The following SLC2A6 variants were observed in gnomAD, a reference collection of about 807,000 sequenced individuals.
SLC2A6 encodes solute carrier family 2, facilitated glucose transporter member 6.
In SLC2A6, 39 loss-of-function variants were observed where a neutral mutation model predicts 47.8. The observed-to-expected ratio is 0.82, with a 90% CI of 0.63 to 1.07. The LOEUF (loss-of-function observed/expected upper bound fraction) is 1.07. Among genes scored for constraint, SLC2A6 ranks in the 50% least tolerant of loss-of-function variants. The pLI is 0.00. For missense variants in SLC2A6, 650 were observed against 707.6 expected, an observed-to-expected ratio of 0.92 and a Z score of 0.92; for synonymous variants, 346 against 324.1, an observed-to-expected ratio of 1.07 and a Z score of -0.73.
At chr9:133,476,054 G>C (rs927534338) in intron 4 of SLC2A6, 183 bp downstream of exon 4, 7 of 564,660 alleles carry the variant, frequency 1.2e-5, no homozygotes, top group Non-Finnish European at 2.2e-5. Flanking sequence ...TGTGGCTAGA[G>C]GGGCAGGCCC....
At chr9:133,474,201 A>G in intron 6 of SLC2A6, 113 bp from the exon 7 acceptor site, 1 of 762,918 alleles carries the variant, frequency 1.3e-6, no homozygotes, top group Non-Finnish European at 2.1e-6. Context: ...AGCTCAGTGC[A>G]GTACTGAGTG....
chr9:133,472,179 G>C lies in SLC2A6; in HGVS notation c.1369-3C>G. 2 of 1,612,624 alleles carry C rather than the reference G, an allele frequency of 1.2e-6. No individual in the cohort carries two copies. The highest frequency in any genetic ancestry group is 1.7e-6 in the Non-Finnish European group (2 of 1,179,824). Reference sequence around the variant, plus strand: ...GGCACCTGGAGGCCGAAGGTGCTCTGCGGGTGAAGAGCGGGGCCGGGTCAC... The same window carrying C: ...GGCACCTGGAGGCCGAAGGTGCTCTCCGGGTGAAGAGCGGGGCCGGGTCAC... On this transcript the variant is annotated splice_region_variant and splice_polypyrimidine_tract_variant and intron_variant, in intron 9 of 9. Transcript: ENST00000371899.
chr9:133,475,362 G>A, intron 5 of SLC2A6, 38 bp downstream of exon 5: 1 of 1,543,690 alleles, frequency 6.5e-7, no homozygotes. Flanking sequence ...AAGTGCTGGA[G>A]GTGGGCCTGC....
intron 7 of SLC2A6, 32 bp from the exon 8 acceptor site, chr9:133,473,632 G>A (rs1843822793): frequency 1.3e-6 from 2 of 1,486,418 alleles, no homozygotes; most frequent in South Asian, 1.4e-5. Context: ...CGTGGGGCCA[G>A]GACCCTCTGA....
chr9:133,472,512 G>C (rs1022800887), intron 9 of SLC2A6, among the ~76,000 whole-genome samples: 1 of 152,120 alleles, frequency 6.6e-6, no homozygotes, highest in Non-Finnish European at 1.5e-5. Context: ...CCTGCAGCCT[G>C]GTGGGCACGC....
At chr9:133,472,894 G>A (rs782789554) in intron 9 of SLC2A6, among the ~76,000 whole-genome samples, 1 of 152,168 alleles carries the variant, frequency 6.6e-6, no homozygotes, top group Admixed American at 6.5e-5. Context: ...AGTTGCCTAC[G>A]CCCGTTCCTG....
chr9:133,472,636 T>A (rs1241627349), intron 9 of SLC2A6, among the ~76,000 whole-genome samples: 3 of 152,154 alleles, frequency 2.0e-5, no homozygotes, highest in African/African-American at 7.2e-5. Flanking sequence ...TAGGCTGCCC[T>A]AGCCAGCTTC....
chr9:133,478,997 G>C lies in SLC2A6; in HGVS notation c.63C>G (p.Pro21=). The change falls in exon 1 of 10, where the codon CCC becomes CCG. Residue 21 remains proline (P), a synonymous_variant. Transcript: ENST00000371899. ...PDYDTFPEKP[P]PSPGDRARVG... is the part of the protein sequence containing the mutation. Reference sequence around the variant, plus strand: ...CCCGCGCCCTGTCCCCTGGCGACGGGGGCGGCTTCTCGGGGAAGGTGTCGT... The same window carrying C: ...CCCGCGCCCTGTCCCCTGGCGACGGCGGCGGCTTCTCGGGGAAGGTGTCGT... 1.3e-6 allele frequency: 2 copies of C among 1,597,486 alleles called. No individual in the cohort carries two copies. Among genetic ancestry groups the C allele is most frequent in the Non-Finnish European group, 1.7e-6 (2 of 1,175,338 alleles).
chr9:133,476,470 C>T, intron 3 of SLC2A6, 134 bp from the exon 4 acceptor site: 1 of 735,014 alleles, frequency 1.4e-6, no homozygotes, highest in Non-Finnish European at 2.4e-6. Context: ...GAGTCCTGGT[C>T]ATGACTCACT....
chr9:133,476,282 G>T lies in SLC2A6; in HGVS notation c.517C>A (p.Pro173Thr), dbSNP rs782655973. The T allele has an allele frequency of 6.2e-7, 1 of 1,613,066 alleles. No individual in the cohort carries two copies. The highest frequency in any genetic ancestry group is 8.5e-7 in the Non-Finnish European group (1 of 1,179,982). ...PGVRGALGATPQLMAVFGSLS... is the reference protein window; with the variant it reads ...PGVRGALGATTQLMAVFGSLS... Reference sequence around the variant, plus strand: ...GATCCGAACACTGCCATGAGCTGGGGTGTGGCCCCCAGAGCCCCACGAACG... The same window carrying T: ...GATCCGAACACTGCCATGAGCTGGGTTGTGGCCCCCAGAGCCCCACGAACG... Residue 173 changes from proline to threonine, a missense_variant, in exon 4 of 10, where the codon CCC becomes ACC. Pro to Thr is a conservative substitution (Grantham distance 38). Transcript: ENST00000371899.
Position 133,476,499 on chromosome 9 carries a change from T to G in SLC2A6, c.463-163A>C, listed in dbSNP as rs1843959388. On this transcript the variant is annotated intron_variant, in intron 3 of 9. Coordinates refer to ENST00000371899, the MANE Select transcript of SLC2A6 (RefSeq NM_017585.4). The stretch of plus-strand genomic sequence containing the variant: ...ACTCACTGCAAGACCTTGGGCGGCC[T>G]GCCTGATCTCTCTCTGTCCTCAGTT... The G allele has an allele frequency of 4.7e-6, 3 of 633,614 alleles. No individual in the cohort carries two copies. The South Asian group carries it at 5.6e-5, about 12-fold the overall frequency. 39.2% of individuals were successfully genotyped at this position (633,614 alleles called of 1,614,324 possible). A position where few individuals can be genotyped will look rare whatever the true frequency, so the allele number is the denominator to read the frequency against.
rs75696888 is a variant in SLC2A6, at chr9:133,473,216, C to T, written c.1257G>A (p.Leu419=). Residue 419 remains leucine, a synonymous_variant, in exon 9 of 10, where the codon CTG becomes CTA. Transcript: ENST00000371899. ...GCAGGGGCAGGACCTCAGACATGAGCAGCCAGGTGATGGGACCCCAGCCCA... is the reference window on the plus strand; with the variant it reads ...GCAGGGGCAGGACCTCAGACATGAGTAGCCAGGTGATGGGACCCCAGCCCA... ...YAVGWGPITW[L]LMSEVLPLRA... is the part of the protein sequence containing the mutation. 867 of 1,596,718 alleles carry T rather than the reference C, an allele frequency of 5.4e-4. 13 individuals carry two copies. In the East Asian group the frequency reaches 0.018, roughly 34 times the overall value.
In SLC2A6 at chr9:133,477,176, G is replaced by A; in HGVS notation, c.321C>T (p.Gly107=). Residue 107 remains glycine, a synonymous_variant, in exon 3 of 10, where the codon GGC becomes GGT. Coordinates refer to ENST00000371899, the MANE Select transcript of SLC2A6 (RefSeq NM_017585.4). Reference sequence around the variant, plus strand: ...CTGAGAACATGATGCTCAGCTTCCGGCCCAGGAGGTCGTTGAGGATCATGG... The same window carrying A: ...CTGAGAACATGATGCTCAGCTTCCGACCCAGGAGGTCGTTGAGGATCATGG... ...LSAMILNDLL[G]RKLSIMFSAV... 2 of 1,550,590 alleles carry A rather than the reference G, an allele frequency of 1.3e-6. No homozygotes were observed. Among genetic ancestry groups the A allele is most frequent in the Admixed American group, 2.0e-5 (1 of 51,016 alleles).
rs1844050213 is a variant in SLC2A6, at chr9:133,478,575, C to T, written c.93-159G>A. On this transcript the variant is annotated intron_variant, in intron 1 of 9. Transcript: ENST00000371899. ...TCCCAGGGCCTGAGCCCCAGCTCCC[C>T]TGGGAAATTCCCAGGCCATTGTTAG... 1.3e-5 allele frequency: 10 copies of T among 751,534 alleles called. No individual in the cohort carries two copies. In the South Asian group the frequency reaches 1.8e-4, roughly 14 times the overall value. The allele number at this position is 751,534 out of a possible 1,614,324, so 46.6% of individuals were successfully genotyped here. A position where few individuals can be genotyped will look rare whatever the true frequency, so the allele number is the denominator to read the frequency against.
At position 133,477,041 on chromosome 9, in the gene SLC2A6, G is replaced by A. The variant is rs1486555553; in HGVS notation, c.456C>T (p.Cys152=). ...TGFAGGLTAA[C]IPVYVSEIAP... ...TGGGAAGGCCTGGCCTTACCGGGAT[G>A]CAGGCAGCTGTGAGCCCCCCGGCGA... The change falls in exon 3 of 10, where the codon TGC becomes TGT. Residue 152 remains cysteine, a synonymous_variant. Transcript: ENST00000371899. 3.2e-6 allele frequency: 5 copies of A among 1,547,470 alleles called. No homozygotes were observed. The highest frequency in any genetic ancestry group is 3.5e-6 in the Non-Finnish European group (4 of 1,146,500).
chr9:133,478,455 G>C, intron 1 of SLC2A6, 39 bp from the exon 2 acceptor site: 5 of 1,611,000 alleles, frequency 3.1e-6, no homozygotes, highest in Non-Finnish European at 4.2e-6. Flanking sequence ...GGGTCTCTGA[G>C]TCCCTCCTCC....
intron 7 of SLC2A6, 78 bp downstream of exon 7, chr9:133,473,902 G>A (rs587690883): frequency 5.2e-6 from 6 of 1,162,986 alleles, no homozygotes; most frequent in South Asian, 3.1e-5. Context: ...GCCCCACCCC[G>A]AGGCAGGCCT....
intron 6 of SLC2A6, 111 bp from the exon 7 acceptor site, chr9:133,474,199 G>A: frequency 1.4e-5 from 11 of 790,776 alleles, no homozygotes; most frequent in Non-Finnish European, 2.0e-5. Context: ...GCAGCTCAGT[G>A]CAGTACTGAG....
At position 133,477,078 on chromosome 9, in the gene SLC2A6, G is replaced by A. The variant is rs116078552; in HGVS notation, c.419C>T (p.Thr140Met). The A allele has an allele frequency of 9.7e-6, 15 of 1,546,034 alleles. No homozygotes were observed. The African/African-American group carries it at 1.1e-4, about 11-fold the overall frequency. The change falls in exon 3 of 10, where the codon ACG becomes ATG. Residue 140 changes from threonine (T) to methionine (M), a missense_variant. Coordinates refer to ENST00000371899, the MANE Select transcript of SLC2A6 (RefSeq NM_017585.4). ...HGLWMLLLGR[T>M]LTGFAGGLTA... The stretch of plus-strand genomic sequence containing the variant: ...GAGCCCCCCGGCGAAGCCCGTCAGC[G>A]TCCTTCCGAGCAGCAGCATCCAGAG...
Sources: allele counts gnomAD v4.1 joint callset (sites outside exome capture counted in the v4.1 genomes callset), GRCh38; gene constraint gnomAD v4.1.1; transcripts MANE v1.5; gene names NCBI Gene and HGNC (gene_info 2026-07-23, HGNC 2026-07-21).